The following SPHKAP variants were observed in gnomAD, a reference collection of about 807,000 sequenced individuals.
SPHKAP encodes SPHK1 interactor, AKAP domain containing.
A neutral mutation model predicts 137.5 loss-of-function variants in SPHKAP; 67 were observed. That is an observed-to-expected ratio of 0.49 (90% CI 0.40 to 0.60). SPHKAP has a LOEUF of 0.60. Among genes scored for constraint, SPHKAP ranks in the 20% least tolerant of loss-of-function variants. The probability of loss-of-function intolerance (pLI) is 0.00; values close to 1 mark genes in which losing one functional copy is unlikely to be tolerated. For synonymous variants in SPHKAP, 813 were observed against 785.3 expected, an observed-to-expected ratio of 1.04 and a Z score of -0.59; for missense variants, 2,097 against 2,069.3, an observed-to-expected ratio of 1.01 and a Z score of -0.26.
chr2:228,070,401 C>G (rs1307525063), intron 3 of SPHKAP, among the ~76,000 whole-genome samples: 1 of 151,984 alleles, frequency 6.6e-6, no homozygotes, highest in Non-Finnish European at 1.5e-5. Flanking sequence ...GTTGGTGTAA[C>G]TTTGTGGAAA....
rs551662281 is a variant in SPHKAP, at chr2:228,158,403, C to A, written c.32+23164G>T. On this transcript the variant is annotated intron_variant, in intron 1 of 11. Transcript: ENST00000392056. ...TGCCAAGAGAGCAATTGCATCCCAG[C>A]TCCAGTCTGAAAGTGGTTAAAGTAG... 2.7e-5 allele frequency among the ~76,000 whole-genome samples: 4 copies of A among 149,750 alleles called. No individual in the cohort carries two copies. The South Asian group carries it at 6.3e-4, about 24-fold the overall frequency.
At chr2:228,054,801 C>T (rs570893968) in intron 3 of SPHKAP, among the ~76,000 whole-genome samples, 36 of 152,032 alleles carry the variant, frequency 2.4e-4, no homozygotes, top group Non-Finnish European at 2.6e-4. Context: ...AGAGTTGGGA[C>T]GGTTAATTAG....
rs774955947 is a variant in SPHKAP, at chr2:228,108,861, C to CA, written c.216dup (p.Val73CysfsTer6). ...GCACAGTTTTCAGACTTGTCTTCTA[C>CA]AAAACCAATTTGGCAGGGCATCCTC... On this transcript the variant is annotated frameshift_variant, in exon 3 of 12. Transcript: ENST00000392056. LOFTEE classifies it high-confidence loss of function. The CA allele has an allele frequency of 6.2e-7, 1 of 1,610,388 alleles. No homozygotes were observed. Among genetic ancestry groups the CA allele is most frequent in the African/African-American group, 1.3e-5 (1 of 74,656 alleles).
At chr2:228,171,056 TAAG>T (rs1268007677) in intron 1 of SPHKAP, among the ~76,000 whole-genome samples, 1 of 152,060 alleles carries the variant, frequency 6.6e-6, no homozygotes, top group Non-Finnish European at 1.5e-5. Flanking sequence ...TGAAGTGAAA[TAAG>T]GAGGTGAGAA....
At chr2:228,020,951 TA>T (rs1333615808) in intron 6 of SPHKAP, among the ~76,000 whole-genome samples, 2 of 152,122 alleles carry the variant, frequency 1.3e-5, no homozygotes, top group African/African-American at 4.8e-5. Flanking sequence ...AGTTGCATCT[TA>T]GAGCTTCCCA....
chr2:228,166,818 T>C (rs540938943), intron 1 of SPHKAP, among the ~76,000 whole-genome samples: 1 of 152,328 alleles, frequency 6.6e-6, no homozygotes, highest in African/African-American at 2.4e-5. Flanking sequence ...AAAGCAGGTT[T>C]AATTGGCTCA....
chr2:228,000,874 T>C (rs1005349676), intron 7 of SPHKAP, among the ~76,000 whole-genome samples: 4 of 152,290 alleles, frequency 2.6e-5, no homozygotes, highest in Middle Eastern at 3.4e-3. Context: ...TATATGGGCA[T>C]AAGTTTTCAA....
At chr2:228,172,599 G>A (rs903076008) in intron 1 of SPHKAP, among the ~76,000 whole-genome samples, 2 of 152,184 alleles carry the variant, frequency 1.3e-5, no homozygotes, top group African/African-American at 4.8e-5. Flanking sequence ...TTTCAACCCT[G>A]AGGGTAGCTG....
chr2:228,001,496 A>C (rs996520012), intron 7 of SPHKAP, among the ~76,000 whole-genome samples: 2 of 144,302 alleles, frequency 1.4e-5, no homozygotes, highest in South Asian at 2.1e-4. Context: ...CGTATATATA[A>C]GTATATATAC....
chr2:228,041,646 CA>C (rs58570907), intron 3 of SPHKAP, among the ~76,000 whole-genome samples: 27,487 of 96,094 alleles, frequency 0.29, 2,100 homozygotes, highest in African/African-American at 0.36. Flanking sequence ...GACTCTGTCT[CA>C]AAAAAAAAAA....
At chr2:228,085,860 C>A (rs1697521779) in intron 3 of SPHKAP, among the ~76,000 whole-genome samples, 1 of 151,994 alleles carries the variant, frequency 6.6e-6, no homozygotes, top group South Asian at 2.1e-4. Context: ...CACTTGTCAA[C>A]TTTATGCAAA....
At chr2:228,159,254 C>CA (rs774952229) in intron 1 of SPHKAP, among the ~76,000 whole-genome samples, 1 of 152,120 alleles carries the variant, frequency 6.6e-6, no homozygotes, top group Non-Finnish European at 1.5e-5. Flanking sequence ...AGGAGAACTC[C>CA]ATTTCTTAAA....
chr2:228,158,562 A>G (rs1700179606), intron 1 of SPHKAP, among the ~76,000 whole-genome samples: 1 of 152,190 alleles, frequency 6.6e-6, no homozygotes. Flanking sequence ...TAAGAAAAAT[A>G]TAAAAAGATT....
At chr2:228,147,612 C>T (rs1699812065) in intron 1 of SPHKAP, among the ~76,000 whole-genome samples, 1 of 152,114 alleles carries the variant, frequency 6.6e-6, no homozygotes, top group Non-Finnish European at 1.5e-5. Context: ...ACGAGTTCGA[C>T]CTTGGGAAAA....
intron 1 of SPHKAP, among the ~76,000 whole-genome samples, chr2:228,140,287 T>TA (rs1213245039): frequency 6.6e-6 from 1 of 151,814 alleles, no homozygotes; most frequent in African/African-American, 2.4e-5. Context: ...ATGAGGTATA[T>TA]ATTTTTCAGA....
Position 228,110,363 on chromosome 2 carries a change from TTATTA to T in SPHKAP, c.139-1429_139-1425del, listed in dbSNP as rs1454065257. Among the ~76,000 whole-genome samples the T allele has an allele frequency of 5.9e-5, 9 of 152,154 alleles. No individual in the cohort carries two copies. The East Asian group carries it at 7.7e-4, about 13-fold the overall frequency. On this transcript the variant is annotated intron_variant, in intron 2 of 11. Transcript: ENST00000392056. The stretch of plus-strand genomic sequence containing the variant: ...ATATAATCGCATATCAAAATATCAT[TTATTA>T]TATTAGTGATAAATTTTCATTAATA...
chr2:228,149,075 C>A (rs762619752), intron 1 of SPHKAP, among the ~76,000 whole-genome samples: 1 of 152,072 alleles, frequency 6.6e-6, no homozygotes, highest in Non-Finnish European at 1.5e-5. Context: ...ACTTTCAGGA[C>A]CTTCCAATTT....
intron 3 of SPHKAP, among the ~76,000 whole-genome samples, chr2:228,082,701 G>T (rs950773392): frequency 1.2e-4 from 18 of 152,124 alleles, no homozygotes; most frequent in Non-Finnish European, 2.2e-4. Flanking sequence ...CCCCTGGGTG[G>T]ATTATTCTTG....
intron 3 of SPHKAP, among the ~76,000 whole-genome samples, chr2:228,099,131 C>T (rs1410622414): frequency 1.3e-5 from 2 of 152,210 alleles, no homozygotes; most frequent in East Asian, 1.9e-4. Context: ...AATGATATTT[C>T]CTAGGTTTTC....
Sources: gnomAD v4.1 joint callset for allele counts (sites outside exome capture counted in the v4.1 genomes callset) on GRCh38, gnomAD v4.1.1 for gene constraint, MANE v1.5 for transcripts, NCBI Gene and HGNC (gene_info 2026-07-23, HGNC 2026-07-21) for gene names.